The following SGMS1 variants were observed in gnomAD, a reference collection of about 807,000 sequenced individuals.
The protein encoded by SGMS1 is phosphatidylcholine:ceramide cholinephosphotransferase 1.
In SGMS1, 13 loss-of-function variants were observed where a neutral mutation model predicts 46.2. The observed-to-expected ratio is 0.28, with a 90% confidence interval of 0.18 to 0.45. SGMS1 has a LOEUF of 0.45. SGMS1 is among the 20% of genes least tolerant of loss of function. The pLI, the probability that SGMS1 is intolerant of heterozygous loss-of-function variation, is 1.00. For synonymous variants in SGMS1, 203 were observed against 187.8 expected (o/e 1.08, Z -0.66); for missense variants, 324 against 519.9 (o/e 0.62, Z 3.66).
At chr10:50,614,292 C>T (rs1324267560) in intron 1 of SGMS1, among the ~76,000 whole-genome samples, 1 of 152,180 alleles carries the variant, frequency 6.6e-6, no homozygotes, top group African/African-American at 2.4e-5. Flanking sequence ...CACTGGTGAG[C>T]AGGAAAAGCA....
intron 7 of SGMS1, among the ~76,000 whole-genome samples, chr10:50,331,485 T>C (rs1706973906): frequency 6.6e-6 from 1 of 152,260 alleles, no homozygotes; most frequent in Admixed American, 6.5e-5. Flanking sequence ...AAAATTATTC[T>C]AGTATCACAT....
chr10:50,357,740 A>T (rs1264166308), intron 6 of SGMS1, among the ~76,000 whole-genome samples: 1 of 152,224 alleles, frequency 6.6e-6, no homozygotes, highest in Non-Finnish European at 1.5e-5. Flanking sequence ...TCTTTCCTTG[A>T]CGATTCGATG....
intron 4 of SGMS1, among the ~76,000 whole-genome samples, chr10:50,465,351 A>G (rs1354160535): frequency 3.3e-5 from 5 of 152,168 alleles, no homozygotes; most frequent in African/African-American, 1.2e-4. Flanking sequence ...AGGGATCAAA[A>G]CAAGAAGATA....
chr10:50,460,091 A>T (rs932902969), intron 5 of SGMS1: 2 of 152,232 alleles, frequency 1.3e-5, no homozygotes, highest in African/African-American at 4.8e-5. Context: ...AGGTCACAGG[A>T]TATGAAATAA....
chr10:50,466,074 T>C (rs1837325558), intron 4 of SGMS1, among the ~76,000 whole-genome samples: 1 of 152,084 alleles, frequency 6.6e-6, no homozygotes, highest in South Asian at 2.1e-4. Context: ...CGGCAGGAAA[T>C]CAATGCATAA....
chr10:50,507,372 T>A (rs936413085), intron 3 of SGMS1, among the ~76,000 whole-genome samples: 1 of 152,218 alleles, frequency 6.6e-6, no homozygotes, highest in Non-Finnish European at 1.5e-5. Flanking sequence ...TGAGCTCCCA[T>A]GCAGCTCTTC....
chr10:50,419,619 A>C (rs563961166), intron 6 of SGMS1, among the ~76,000 whole-genome samples: 1 of 152,336 alleles, frequency 6.6e-6, no homozygotes, highest in East Asian at 1.9e-4. Context: ...TTTGTAATAA[A>C]AATACTTAAA....
chr10:50,351,857 T>C (rs936917418), intron 6 of SGMS1, among the ~76,000 whole-genome samples: 9 of 152,174 alleles, frequency 5.9e-5, no homozygotes, highest in African/African-American at 1.4e-4. Flanking sequence ...GATTCAATCA[T>C]GTAAAAGGAA....
Position 50,574,961 on chromosome 10 carries a change from G to GTATATA in SGMS1, c.-589+15191_-589+15192insTATATA, listed in dbSNP as rs1491469065. On this transcript the variant is annotated intron_variant, in intron 2 of 10. Transcript: ENST00000361781. ...ATAAACATTTTAAAAGGAAAATGTG[G>GTATATA]TGTATATATATATATATATATATAA... Among the ~76,000 whole-genome samples the GTATATA allele has an allele frequency of 8.6e-4, 39 of 45,270 alleles. 1 individual carries two copies. The highest frequency in any genetic ancestry group is 2.4e-3 in the East Asian group (3 of 1,260). 29.7% of individuals were successfully genotyped at this position (45,270 alleles called of 152,430 possible). A position where few individuals can be genotyped will look rare whatever the true frequency, so the allele number is the denominator to read the frequency against.
intron 3 of SGMS1, among the ~76,000 whole-genome samples, chr10:50,515,192 C>T (rs539195287): frequency 2.0e-5 from 3 of 152,280 alleles, no homozygotes; most frequent in Admixed American, 1.3e-4. Flanking sequence ...CAGAGGAACA[C>T]GATTGTGACT....
chr10:50,452,238 CAA>C (rs1172482214), intron 5 of SGMS1, among the ~76,000 whole-genome samples: 2 of 152,058 alleles, frequency 1.3e-5, no homozygotes, highest in African/African-American at 4.8e-5. Flanking sequence ...TCCAAGACAT[CAA>C]AGTCTCAGCC....
intron 1 of SGMS1, among the ~76,000 whole-genome samples, chr10:50,611,097 G>A (rs1186992244): frequency 2.6e-5 from 4 of 152,162 alleles, no homozygotes; most frequent in East Asian, 3.8e-4. Context: ...TGAAAATCTC[G>A]ACAACACACG....
intron 2 of SGMS1, among the ~76,000 whole-genome samples, chr10:50,554,587 T>C (rs1026778843): frequency 2.0e-5 from 3 of 152,194 alleles, no homozygotes; most frequent in Non-Finnish European, 4.4e-5. Context: ...GAGTATGGCA[T>C]GCAGGAGCAG....
intron 3 of SGMS1, among the ~76,000 whole-genome samples, chr10:50,478,558 G>T (rs1837448780): frequency 6.6e-6 from 1 of 152,116 alleles, no homozygotes; most frequent in Admixed American, 6.5e-5. Context: ...TGAGTAGGAG[G>T]TTAATTGTAC....
chr10:50,400,712 T>C (rs548657910), intron 6 of SGMS1, among the ~76,000 whole-genome samples: 6 of 152,198 alleles, frequency 3.9e-5, no homozygotes, highest in Non-Finnish European at 5.9e-5. Flanking sequence ...GCAGCTTTAT[T>C]TTTGTGAGGA....
chr10:50,608,163 T>G (rs1377360152), intron 1 of SGMS1, among the ~76,000 whole-genome samples: 1 of 152,182 alleles, frequency 6.6e-6, no homozygotes, highest in African/African-American at 2.4e-5. Flanking sequence ...TACTATTCCT[T>G]TCAGCATTCC....
rs191230564 is a variant in SGMS1, at chr10:50,307,666, C to T, written c.1062+316G>A. On this transcript the variant is annotated intron_variant, in intron 10 of 10. Transcript: ENST00000361781. The surrounding 1 kb of genome is among the most constrained non-coding windows in gnomAD (Gnocchi z 4.2). ...TAAATATTAAGCTTGTGATGTGCCC[C>T]GGGTAGGGAGAAGAGGATAGGAAAG... is the stretch of plus-strand genomic sequence containing the variant. 2.0e-3 allele frequency among the ~76,000 whole-genome samples: 308 copies of T among 152,044 alleles called. No individual in the cohort carries two copies. Among genetic ancestry groups the T allele is most frequent in the Non-Finnish European group, 3.8e-3 (260 of 67,980 alleles).
At chr10:50,326,137 A>G (rs1262512138) in intron 8 of SGMS1, among the ~76,000 whole-genome samples, 1 of 152,146 alleles carries the variant, frequency 6.6e-6, no homozygotes, top group Admixed American at 6.5e-5. Context: ...GTAAGGAAGT[A>G]GTGTGTAGCA....
rs138665018 is a variant in SGMS1 at position 50,597,457 on chromosome 10, C to G, written c.-683-7210G>C. Reference sequence around the variant, plus strand: ...TAGTTAGTAATAAAAAGGAACAAACCTTTGATACACACAATGTGGATGGAT... The same window carrying G: ...TAGTTAGTAATAAAAAGGAACAAACGTTTGATACACACAATGTGGATGGAT... On this transcript the variant is annotated intron_variant, in intron 1 of 10. Coordinates refer to ENST00000361781, the MANE Select transcript of SGMS1 (RefSeq NM_147156.4). Among the ~76,000 whole-genome samples, 127 of 152,264 alleles carry G rather than the reference C, an allele frequency of 8.3e-4. 2 individuals carry two copies. The East Asian group carries it at 0.022, about 27-fold the overall frequency.
Sources: allele counts gnomAD v4.1 joint callset (sites outside exome capture counted in the v4.1 genomes callset), GRCh38; gene constraint gnomAD v4.1.1; non-coding constraint Gnocchi (gnomAD v3.1); transcripts MANE v1.5; gene names NCBI Gene and HGNC (gene_info 2026-07-23, HGNC 2026-07-21).